TAF7L: variants seen among roughly 807,000 people sequenced by gnomAD.
TAF7L encodes transcription initiation factor TFIID subunit 7-like.
In TAF7L, 6 loss-of-function variants were observed where a neutral mutation model predicts 30.2. The observed-to-expected ratio is 0.20, with a 90% CI of 0.11 to 0.39. TAF7L has a LOEUF of 0.39. Ranked by LOEUF, TAF7L falls within the 10% of genes least tolerant of loss-of-function variation. TAF7L has a pLI of 1.00. For missense variants in TAF7L, 284 were observed against 277.1 expected (o/e 1.03, Z -0.18); for synonymous variants, 93 against 94.5 (o/e 0.98, Z 0.09).
chrX:101,284,276 A>G (rs1924508975), intron 3 of TAF7L, among the ~76,000 whole-genome samples: 1 of 112,483 alleles, frequency 8.9e-6, no homozygotes, highest in African/African-American at 3.2e-5. Context: ...AGTAACAAGA[A>G]ACAGTATCAG....
intron 1 of TAF7L, among the ~76,000 whole-genome samples, chrX:101,290,385 C>A (rs760597340): frequency 4.2e-4 from 47 of 111,296 alleles, no homozygotes; most frequent in African/African-American, 1.3e-3. Flanking sequence ...GAGAGTTGAT[C>A]GAAATAAATA....
At chrX:101,275,751 A>G (rs1270821597) in intron 11 of TAF7L, among the ~76,000 whole-genome samples, 2 of 111,769 alleles carry the variant, frequency 1.8e-5, no homozygotes, top group Non-Finnish European at 3.8e-5. Context: ...TGCCTTTTAC[A>G]TAGCAAATGC....
At chrX:101,291,119 C>T in intron 1 of TAF7L, 105 bp downstream of exon 1, 1 of 296,042 alleles carries the variant, frequency 3.4e-6, no homozygotes, top group Non-Finnish European at 4.5e-6. Flanking sequence ...CTTCGCGCCT[C>T]GCTGTGCAGG....
intron 12 of TAF7L, among the ~76,000 whole-genome samples, chrX:101,274,853 C>A (rs1326418420): frequency 8.9e-6 from 1 of 111,919 alleles, no homozygotes; most frequent in Non-Finnish European, 1.9e-5. Flanking sequence ...TTTTTGTGAC[C>A]AGAAATATGC....
intron 6 of TAF7L, 111 bp downstream of exon 6, chrX:101,281,609 G>A: frequency 2.8e-6 from 2 of 722,834 alleles, no homozygotes; most frequent in Non-Finnish European, 4.3e-6. Flanking sequence ...AATGTTTATT[G>A]AACATATAAA....
At chrX:101,277,936 A>G (rs3788765) in intron 8 of TAF7L, 113 bp downstream of exon 8, 236,874 of 666,080 alleles carry the variant, frequency 0.36, 30,328 homozygotes, top group Middle Eastern at 0.44. Flanking sequence ...CATTTCAAAG[A>G]ATCTTAAGTT....
intron 1 of TAF7L, 48 bp downstream of exon 1, chrX:101,291,176 G>T: frequency 1.6e-6 from 1 of 626,838 alleles, no homozygotes; most frequent in Non-Finnish European, 1.9e-6. Context: ...GTGCACACTG[G>T]CGGGGCGCTG....
At chrX:101,275,330 A>T in intron 11 of TAF7L, 49 bp from the exon 12 acceptor site, 3 of 912,159 alleles carry the variant, frequency 3.3e-6, no homozygotes, top group Non-Finnish European at 4.5e-6. Context: ...CAAAGAAAAA[A>T]AAAAAAACCA....
At position 101,276,431 on chromosome X, in the gene TAF7L, CTCATCCTCA is replaced by C. The variant is rs1569511153; in HGVS notation, c.780_788del (p.Asp260_Asp262del). The C allele has an allele frequency of 7.3e-6, 6 of 819,951 alleles. No homozygotes were observed. In the Admixed American group the frequency reaches 1.1e-4, roughly 15 times the overall value. The allele number at this position is 819,951 out of a possible 1,213,427, so 67.6% of individuals were successfully genotyped here. On this transcript the variant is annotated inframe_deletion, in exon 10 of 13. Transcript: ENST00000356784. ...CCTCTTCTTTGTCTTCATCTTCATC[CTCATCCTCA>C]TCCTCATCCTCATCTTCATCATCCT...
intron 12 of TAF7L, among the ~76,000 whole-genome samples, chrX:101,271,913 A>T (rs1193697256): frequency 9.0e-6 from 1 of 111,643 alleles, no homozygotes; most frequent in Non-Finnish European, 1.9e-5. Context: ...TGTTCATCTG[A>T]TTGTTTTAAA....
rs750239945 is a variant in TAF7L at position 101,275,996 on chromosome X, T to C, written c.1026+4A>G. On this transcript the variant is annotated splice_donor_region_variant and intron_variant, in intron 11 of 12. Transcript: ENST00000356784. ...GGATTTCTTTATGCCAGCCAAGAAT[T>C]TACCTTGAGTGTCAGGTTTTCCACT... 8.6e-7 allele frequency: 1 copy of C among 1,165,292 alleles called. No individual in the cohort carries two copies. Among genetic ancestry groups the C allele is most frequent in the East Asian group, 3.0e-5 (1 of 33,517 alleles).
intron 2 of TAF7L, 51 bp from the exon 3 acceptor site, chrX:101,286,704 A>G (rs941293659): frequency 1.0e-6 from 1 of 960,808 alleles, no homozygotes; most frequent in Non-Finnish European, 1.5e-6. Context: ...TCTACTTGGC[A>G]GCTAACAGAA....
rs199759165 is a variant in TAF7L, at chrX:101,276,425, T to TTCATCCTCATCC, written c.783_794dup (p.Glu265_Asp268dup). 1.7e-6 allele frequency: 2 copies of TTCATCCTCATCC among 1,208,037 alleles called. No homozygotes were observed. The highest frequency in any genetic ancestry group is 2.2e-6 in the Non-Finnish European group (2 of 892,982). On this transcript the variant is annotated inframe_insertion, in exon 10 of 13. Transcript: ENST00000356784. ...CCTCCTCCTCTTCTTTGTCTTCATCTTCATCCTCATCCTCATCCTCATCCT... is the reference window on the plus strand; with the variant it reads ...CCTCCTCCTCTTCTTTGTCTTCATCTTCATCCTCATCCTCATCCTCATCCTCATCCTCATCCT...
intron 3 of TAF7L, among the ~76,000 whole-genome samples, chrX:101,283,808 T>A: frequency 8.9e-6 from 1 of 112,017 alleles, no homozygotes; most frequent in Non-Finnish European, 1.9e-5. Flanking sequence ...CAAAAGTAGC[T>A]AAGTTTCTTG....
chrX:101,278,383 G>A (rs1158161650), intron 7 of TAF7L, among the ~76,000 whole-genome samples: 1 of 111,985 alleles, frequency 8.9e-6, no homozygotes, highest in Non-Finnish European at 1.9e-5. Flanking sequence ...CAGCTCTATG[G>A]TAAAGCCCTC....
rs775802118 is a variant in TAF7L at position 101,276,482 on chromosome X, ATTG to A, written c.735_737del (p.Asn246del). The A allele has an allele frequency of 2.5e-5, 30 of 1,206,513 alleles. No individual in the cohort carries two copies. Among genetic ancestry groups the A allele is most frequent in the Middle Eastern group, 2.3e-4 (1 of 4,341 alleles). On this transcript the variant is annotated inframe_deletion, in exon 10 of 13. Transcript: ENST00000356784. ...CATCATCCTCATCCTCATCATCATC[ATTG>A]TTACTTCTAGAATCACTGAACATCT...
intron 12 of TAF7L, among the ~76,000 whole-genome samples, chrX:101,271,202 G>C (rs1477922231): frequency 8.9e-6 from 1 of 111,901 alleles, no homozygotes; most frequent in African/African-American, 3.2e-5. Context: ...GGGACTCTGA[G>C]TAAATAAAGT....
chrX:101,271,398 C>T (rs756592566), intron 12 of TAF7L, among the ~76,000 whole-genome samples: 2 of 112,010 alleles, frequency 1.8e-5, no homozygotes, highest in East Asian at 5.6e-4. Flanking sequence ...TATAGTCTAT[C>T]GTTCCTAGGT....
At chrX:101,291,842 G>A (rs751833968), upstream of TAF7L, among the ~76,000 whole-genome samples, 1 of 101,668 alleles carries the variant, frequency 9.8e-6, no homozygotes, top group South Asian at 5.0e-4. Context: ...CTCCAGCCTG[G>A]CGACAGAGTG....
Sources: allele counts gnomAD v4.1 joint callset (sites outside exome capture counted in the v4.1 genomes callset), GRCh38; gene constraint gnomAD v4.1.1; transcripts MANE v1.5; gene names NCBI Gene and HGNC (gene_info 2026-07-23, HGNC 2026-07-21).